Variants in HSPBAP1 observed in about 807,000 individuals in gnomAD.
The protein encoded by HSPBAP1 is HSPB1 associated protein 1, also known as HSPB1-associated protein 1.
In HSPBAP1, 27 loss-of-function variants were observed where a neutral mutation model predicts 45.2. The observed-to-expected ratio is 0.60, with a 90% confidence interval of 0.44 to 0.82. The LOEUF (loss-of-function observed/expected upper bound fraction) is 0.82. HSPBAP1 is among the 40% of genes least tolerant of loss of function. The pLI, the probability that HSPBAP1 is intolerant of heterozygous loss-of-function variation, is 0.00. For synonymous variants in HSPBAP1, 204 were observed against 202.7 expected, an observed-to-expected ratio of 1.01 and a Z score of -0.06; for missense variants, 510 against 590.9, an observed-to-expected ratio of 0.86 and a Z score of 1.42.
rs373148784 is a variant in HSPBAP1 at position 122,746,805 on chromosome 3, G to A, written c.826-5692C>T. Among the ~76,000 whole-genome samples the A allele has an allele frequency of 1.2e-4, 19 of 152,286 alleles. 2 individuals are homozygous for A. Among genetic ancestry groups the A allele is most frequent in the South Asian group, 2.1e-4 (1 of 4,832 alleles). On this transcript the variant is annotated intron_variant, in intron 6 of 7. Coordinates refer to ENST00000306103, the MANE Select transcript of HSPBAP1 (RefSeq NM_024610.6). ...GTGCCTGCGATTGCAGGCGCGCGCC[G>A]CCACGCCTGGCTGGTTTTCGTATTT...
chr3:122,781,003 C>T (rs1169705143), intron 1 of HSPBAP1, among the ~76,000 whole-genome samples: 2 of 148,722 alleles, frequency 1.3e-5, no homozygotes, highest in African/African-American at 2.5e-5. Flanking sequence ...TGATGGCAGC[C>T]GGGAAGAGGC....
rs980185733 is a variant in HSPBAP1 at position 122,740,226 on chromosome 3, G to A, written c.*119C>T. 9.9e-6 allele frequency: 6 copies of A among 607,872 alleles called. No individual in the cohort carries two copies. In the African/African-American group the frequency reaches 1.1e-4, roughly 11 times the overall value. The allele number at this position is 607,872 out of a possible 1,614,324, so 37.7% of individuals were successfully genotyped here. A position where few individuals can be genotyped will look rare whatever the true frequency, so the allele number is the denominator to read the frequency against. On this transcript the variant is annotated 3_prime_UTR_variant, in exon 8 of 8. Transcript: ENST00000306103. Reference sequence around the variant, plus strand: ...AACAGACTGACATGTAATTCGGTAAGGATAAATACATTTACAAATGTGCAA... The same window carrying A: ...AACAGACTGACATGTAATTCGGTAAAGATAAATACATTTACAAATGTGCAA...
At chr3:122,774,728 A>G (rs1935127785) in intron 2 of HSPBAP1, among the ~76,000 whole-genome samples, 1 of 152,212 alleles carries the variant, frequency 6.6e-6, no homozygotes, top group African/African-American at 2.4e-5. Flanking sequence ...AACGCCCACT[A>G]GAGGATGGCT....
At chr3:122,779,588 G>C (rs1397217485) in intron 1 of HSPBAP1, among the ~76,000 whole-genome samples, 3 of 151,486 alleles carry the variant, frequency 2.0e-5, no homozygotes, top group Admixed American at 6.6e-5. Flanking sequence ...GACAATAGTG[G>C]AGGGAAGGTC....
chr3:122,744,345 A>G (rs544493375), intron 6 of HSPBAP1, among the ~76,000 whole-genome samples: 1 of 152,326 alleles, frequency 6.6e-6, no homozygotes, highest in African/African-American at 2.4e-5. Context: ...CATGAAAGCA[A>G]TATCAGAACC....
intron 2 of HSPBAP1, 77 bp from the exon 3 acceptor site, chr3:122,768,959 A>G: frequency 9.2e-7 from 1 of 1,089,392 alleles, no homozygotes; most frequent in Non-Finnish European, 1.3e-6. Context: ...TAAAATAAAG[A>G]TAATTTCAAC....
rs571508220 is a variant in HSPBAP1, at chr3:122,780,372, G to T, written c.65-2466C>A. Among the ~76,000 whole-genome samples, 31 of 101,774 alleles carry T rather than the reference G, an allele frequency of 3.0e-4. 3 individuals are homozygous for T. Among genetic ancestry groups the T allele is most frequent in the Admixed American group, 2.9e-3 (29 of 10,108 alleles). 66.8% of individuals were successfully genotyped at this position (101,774 alleles called of 152,430 possible). A position where few individuals can be genotyped will look rare whatever the true frequency, so the allele number is the denominator to read the frequency against. Reference sequence around the variant, plus strand: ...TCCCTCCCGGACGGGGCGGCTGACCGGGCGGGGGGCTGACCCCCCACCTCC... The same window carrying T: ...TCCCTCCCGGACGGGGCGGCTGACCTGGCGGGGGGCTGACCCCCCACCTCC... On this transcript the variant is annotated intron_variant, in intron 1 of 7. Coordinates refer to ENST00000306103, the MANE Select transcript of HSPBAP1 (RefSeq NM_024610.6).
chr3:122,793,138 A>G (rs1230306627), intron 1 of HSPBAP1, among the ~76,000 whole-genome samples: 1 of 152,184 alleles, frequency 6.6e-6, no homozygotes, highest in Non-Finnish European at 1.5e-5. Context: ...CGGTGCAATC[A>G]TTCAATAAAT....
At chr3:122,778,512 C>CTTTTTTATTTATTTATT in intron 1 of HSPBAP1, among the ~76,000 whole-genome samples, 1 of 124,954 alleles carries the variant, frequency 8.0e-6, no homozygotes, top group African/African-American at 3.1e-5. Flanking sequence ...TCTAGTATTT[C>CTTTTTTATTTATTTATT]TTTTTTTTTT....
chr3:122,788,609 G>A lies in HSPBAP1; in HGVS notation c.64+5008C>T, dbSNP rs867786035. Reference sequence around the variant, plus strand: ...TACACGTGCAATGGAACGTTATTCCGCCTTAAAAAGGAAGGAAATTCTATC... The same window carrying A: ...TACACGTGCAATGGAACGTTATTCCACCTTAAAAAGGAAGGAAATTCTATC... On this transcript the variant is annotated intron_variant, in intron 1 of 7. Coordinates refer to ENST00000306103, the MANE Select transcript of HSPBAP1 (RefSeq NM_024610.6). 5.9e-5 allele frequency among the ~76,000 whole-genome samples: 9 copies of A among 152,256 alleles called. No homozygotes were observed. In the South Asian group the frequency reaches 1.2e-3, roughly 21 times the overall value.
At chr3:122,742,161 A>C (rs1933694320) in intron 6 of HSPBAP1, among the ~76,000 whole-genome samples, 1 of 147,052 alleles carries the variant, frequency 6.8e-6, no homozygotes, top group Non-Finnish European at 1.5e-5. Context: ...AAATATAATA[A>C]ATTATTGATA....
intron 1 of HSPBAP1, among the ~76,000 whole-genome samples, chr3:122,786,156 T>C (rs1385524548): frequency 6.6e-6 from 1 of 152,190 alleles, no homozygotes; most frequent in Non-Finnish European, 1.5e-5. Context: ...GTCTAGACTG[T>C]TATTAATTCA....
intron 1 of HSPBAP1, 56 bp downstream of exon 1, chr3:122,793,561 G>A: frequency 5.2e-6 from 8 of 1,527,162 alleles, no homozygotes; most frequent in Non-Finnish European, 7.3e-6. Flanking sequence ...GGGGTGCCAC[G>A]AGAGTCAACT....
chr3:122,777,190 C>T (rs546455994), intron 2 of HSPBAP1, among the ~76,000 whole-genome samples: 10 of 152,174 alleles, frequency 6.6e-5, no homozygotes, highest in African/African-American at 1.9e-4. Flanking sequence ...AATAAAAGAG[C>T]GAGCTTTACA....
intron 1 of HSPBAP1, among the ~76,000 whole-genome samples, chr3:122,789,194 T>G (rs75345006): frequency 6.6e-6 from 1 of 152,176 alleles, no homozygotes; most frequent in African/African-American, 2.4e-5. Flanking sequence ...TCCAGTTATG[T>G]AGGAATGTTA....
At chr3:122,782,807 G>A (rs537309776) in intron 1 of HSPBAP1, among the ~76,000 whole-genome samples, 7 of 152,266 alleles carry the variant, frequency 4.6e-5, no homozygotes, top group Admixed American at 4.6e-4. Context: ...ACGATAAAAG[G>A]AAGAGGGATA....
At chr3:122,775,747 A>AATTAC (rs1242034009) in intron 2 of HSPBAP1, among the ~76,000 whole-genome samples, 2 of 152,246 alleles carry the variant, frequency 1.3e-5, no homozygotes, top group African/African-American at 2.4e-5. Flanking sequence ...TTAAACACAG[A>AATTAC]ATTACTGTAT....
chr3:122,778,034 G>A (rs968872336), intron 1 of HSPBAP1, 128 bp from the exon 2 acceptor site: 19 of 652,118 alleles, frequency 2.9e-5, no homozygotes, highest in African/African-American at 7.3e-5. Flanking sequence ...TAATGTATAC[G>A]TCATTTACTG....
chr3:122,792,371 C>A (rs1351995636), intron 1 of HSPBAP1, among the ~76,000 whole-genome samples: 1 of 151,966 alleles, frequency 6.6e-6, no homozygotes, highest in East Asian at 1.9e-4. Context: ...TTCAAAGGAA[C>A]GACATACATT....
Sources: gnomAD v4.1 joint callset for allele counts (sites outside exome capture counted in the v4.1 genomes callset) on GRCh38, gnomAD v4.1.1 for gene constraint, MANE v1.5 for transcripts, NCBI Gene and HGNC (gene_info 2026-07-23, HGNC 2026-07-21) for gene names.